The following SHANK1 variants were observed in gnomAD, a reference collection of about 807,000 sequenced individuals.
The protein encoded by SHANK1 is SH3 and multiple ankyrin repeat domains protein 1.
Under a neutral mutation model 165.6 loss-of-function variants are expected in SHANK1, and 35 were observed. That is an observed-to-expected ratio of 0.21 (90% CI 0.16 to 0.28). SHANK1 has a LOEUF of 0.28. SHANK1 is among the 10% of genes least tolerant of loss of function. SHANK1 has a pLI of 1.00. For missense variants in SHANK1, 2,681 were observed against 3,036.4 expected (o/e 0.88, Z 2.75); for synonymous variants, 1,428 against 1,384.8 (o/e 1.03, Z -0.69).
intron 12 of SHANK1, among the ~76,000 whole-genome samples, chr19:50,701,111 G>A (rs534302417): frequency 6.6e-6 from 1 of 151,850 alleles, no homozygotes; most frequent in South Asian, 2.1e-4. Context: ...ACCTTCTATG[G>A]TAGGATCCTC....
intron 15 of SHANK1, among the ~76,000 whole-genome samples, chr19:50,693,307 T>C (rs956665273): frequency 1.4e-4 from 19 of 134,634 alleles, no homozygotes; most frequent in Non-Finnish European, 2.7e-4. Context: ...CTCCCCCACT[T>C]CAGTGTCCCC....
intron 19 of SHANK1, chr19:50,687,190 C>G (rs1986376564): frequency 2.0e-6 from 1 of 512,026 alleles, no homozygotes; most frequent in Non-Finnish European, 3.4e-6. Context: ...AAATGGGACC[C>G]CCAGGTCCAC....
At position 50,688,093 on chromosome 19, in the gene SHANK1, G is replaced by C. The variant is rs1310916448; in HGVS notation, c.2173-35C>G. 6.2e-7 allele frequency: 1 copy of C among 1,612,234 alleles called. No individual in the cohort carries two copies. The highest frequency in any genetic ancestry group is 1.1e-5 in the South Asian group (1 of 91,000). ...AGACACCCCCAGATCACACAGAGTA[G>C]ACGAGGGGAGGGGTGCTTGCAGCTT... On this transcript the variant is annotated intron_variant, in intron 17 of 23. Transcript: ENST00000293441. This position sits in a 1 kb window ranked among gnomAD's most constrained non-coding sequence, Gnocchi z 6.7.
At chr19:50,701,307 A>C (rs899665513) in intron 12 of SHANK1, among the ~76,000 whole-genome samples, 9 of 148,678 alleles carry the variant, frequency 6.1e-5, no homozygotes, top group African/African-American at 2.2e-4. Flanking sequence ...TCGGCCTCTC[A>C]AGTAGCTGGG....
At chr19:50,694,498 G>A (rs1360159616) in intron 15 of SHANK1, among the ~76,000 whole-genome samples, 4 of 148,208 alleles carry the variant, frequency 2.7e-5, no homozygotes, top group Admixed American at 6.7e-5. Flanking sequence ...TCCGGGGAAT[G>A]GGGGCGCTAA....
chr19:50,698,735 G>A (rs1246041817), intron 12 of SHANK1, among the ~76,000 whole-genome samples: 1 of 152,212 alleles, frequency 6.6e-6, no homozygotes, highest in African/African-American at 2.4e-5. Flanking sequence ...AAGGTTACAA[G>A]GCTAGTAACT....
chr19:50,716,236 T>C lies in SHANK1; in HGVS notation c.459+39A>G, dbSNP rs374594698. ...TGGGGGGCAGATGTGTTTTAGGGCATGCCTTCTCTTATCAGTGAAGGAGTT... is the reference window on the plus strand; with the variant it reads ...TGGGGGGCAGATGTGTTTTAGGGCACGCCTTCTCTTATCAGTGAAGGAGTT... On this transcript the variant is annotated intron_variant, in intron 3 of 23. Transcript: ENST00000293441. This position sits in a 1 kb window ranked among gnomAD's most constrained non-coding sequence, Gnocchi z 8.4. 2 of 1,577,278 alleles carry C rather than the reference T, an allele frequency of 1.3e-6. No individual in the cohort carries two copies. The highest frequency in any genetic ancestry group is 3.3e-5 in the Admixed American group (2 of 59,898).
intron 21 of SHANK1, among the ~76,000 whole-genome samples, chr19:50,679,716 G>A (rs1413281645): frequency 1.3e-5 from 2 of 152,206 alleles, no homozygotes; most frequent in African/African-American, 4.8e-5. Flanking sequence ...CCCTGAGAGG[G>A]GATAGGGGAG....
intron 23 of SHANK1, among the ~76,000 whole-genome samples, 154 bp downstream of exon 23, chr19:50,666,034 AAAAG>A (rs1241575332): frequency 2.7e-5 from 4 of 146,716 alleles, no homozygotes; most frequent in African/African-American, 1.0e-4. Flanking sequence ...GAAAAAAAAA[AAAAG>A]AAAAAGAAAA....
chr19:50,668,585 G>A lies in SHANK1; in HGVS notation c.3375C>T (p.Gly1125=). 7.4e-7 allele frequency: 1 copy of A among 1,348,078 alleles called. No individual in the cohort carries two copies. The allele number at this position is 1,348,078 out of a possible 1,614,324, so 83.5% of individuals were successfully genotyped here. ...ACGTGGGCGACGGCGCGGGCGGGAG[G>A]CCGCCGCCCTTCTGGGGCTCGCCTT... The part of the protein sequence containing the change: ...KVEGEPQKGG[G]LPPAPSPTSP... Residue 1125 remains glycine (G), a synonymous_variant, in exon 23 of 24, where the codon GGC becomes GGT. Transcript: ENST00000293441.
At chr19:50,687,773 G>A in intron 18 of SHANK1, 111 bp from the exon 19 acceptor site, 1 of 1,354,132 alleles carries the variant, frequency 7.4e-7, no homozygotes, top group Non-Finnish European at 1.0e-6. Flanking sequence ...AGCGTGCGGA[G>A]CCCTCCCTGC....
At chr19:50,693,670 C>G (rs1007467420) in intron 15 of SHANK1, among the ~76,000 whole-genome samples, 1 of 152,146 alleles carries the variant, frequency 6.6e-6, no homozygotes, top group African/African-American at 2.4e-5. Flanking sequence ...TCAGCCCCTT[C>G]CCACGTACCC....
In SHANK1 at chr19:50,659,881, C is replaced by G. The variant is rs966451611; in HGVS notation, c.*2084G>C. Among the ~76,000 whole-genome samples, 5 of 150,288 alleles carry G rather than the reference C, an allele frequency of 3.3e-5. No homozygotes were observed. Among genetic ancestry groups the G allele is most frequent in the African/African-American group, 1.2e-4 (5 of 40,846 alleles). On this transcript the variant is annotated 3_prime_UTR_variant, in exon 24 of 24. Transcript: ENST00000293441. Reference sequence around the variant, plus strand: ...CCCCCTGCGGACTGGGGGCATCCGACAAGGGGGAGGGGGCGGGTAGGGGTC... The same window carrying G: ...CCCCCTGCGGACTGGGGGCATCCGAGAAGGGGGAGGGGGCGGGTAGGGGTC...
Position 50,695,986 on chromosome 19 carries a change from G to C in SHANK1, c.1964+1110C>G, listed in dbSNP as rs1986726228. On this transcript the variant is annotated intron_variant, in intron 15 of 23. Transcript: ENST00000293441. ...CTGCCGGGCGCACGGCACAGCACAGGCCAGGCCAGCGCAGACAGGGTCCGG... is the reference window on the plus strand; with the variant it reads ...CTGCCGGGCGCACGGCACAGCACAGCCCAGGCCAGCGCAGACAGGGTCCGG... 1.3e-5 allele frequency among the ~76,000 whole-genome samples: 2 copies of C among 152,196 alleles called. 1 individual carries two copies. The highest frequency in any genetic ancestry group is 4.1e-4 in the South Asian group (2 of 4,826).
chr19:50,692,074 T>C (rs541281212), intron 15 of SHANK1, among the ~76,000 whole-genome samples: 20 of 152,098 alleles, frequency 1.3e-4, no homozygotes, highest in Admixed American at 1.3e-3. Flanking sequence ...TCTTCAACAA[T>C]ACCCAAGAGA....
At position 50,662,984 on chromosome 19, in the gene SHANK1, G is replaced by A. The variant is rs910357890; in HGVS notation, c.5769-302C>T. The A allele has an allele frequency of 7.1e-5, 31 of 436,398 alleles. No individual in the cohort carries two copies. Among genetic ancestry groups the A allele is most frequent in the Non-Finnish European group, 1.0e-4 (25 of 239,722 alleles). The allele number at this position is 436,398 out of a possible 1,614,324, so 27.0% of individuals were successfully genotyped here. A position where few individuals can be genotyped will look rare whatever the true frequency, so the allele number is the denominator to read the frequency against. On this transcript the variant is annotated intron_variant, in intron 23 of 23. Coordinates refer to ENST00000293441, the MANE Select transcript of SHANK1 (RefSeq NM_016148.5). The surrounding 1 kb of genome is among the most constrained non-coding windows in gnomAD (Gnocchi z 7.7). ...ATCGTCACCGCTTACTGATGCTCAC[G>A]TGTGCCAGGCATTGTTCTAAGTGCT... is the stretch of plus-strand genomic sequence containing the variant.
rs1388517406 is a variant in SHANK1 at position 50,709,888 on chromosome 19, G to A, written c.1077+1483C>T. Among the ~76,000 whole-genome samples the A allele has an allele frequency of 4.6e-5, 7 of 152,264 alleles. No individual in the cohort carries two copies. The South Asian group carries it at 6.2e-4, about 14-fold the overall frequency. On this transcript the variant is annotated intron_variant, in intron 8 of 23. Transcript: ENST00000293441. ...CCAAAATTTCTCTGTTTATCTGAAC[G>A]GTACAGTTTCTGTCTCTCGACTGGA... is the stretch of plus-strand genomic sequence containing the variant.
chr19:50,708,192 G>A (rs973978305), intron 8 of SHANK1, among the ~76,000 whole-genome samples: 1 of 152,018 alleles, frequency 6.6e-6, no homozygotes, highest in Non-Finnish European at 1.5e-5. Flanking sequence ...TGATCCGCCT[G>A]CTTCAGCCTC....
At chr19:50,664,255 G>C (rs952954639) in intron 23 of SHANK1, among the ~76,000 whole-genome samples, 4 of 151,838 alleles carry the variant, frequency 2.6e-5, no homozygotes, top group African/African-American at 7.3e-5. Flanking sequence ...CTCTGTAGAT[G>C]GACAAGGATA....
Sources: allele counts gnomAD v4.1 joint callset (sites outside exome capture counted in the v4.1 genomes callset), GRCh38; gene constraint gnomAD v4.1.1; non-coding constraint Gnocchi (gnomAD v3.1); transcripts MANE v1.5; gene names NCBI Gene and HGNC (gene_info 2026-07-23, HGNC 2026-07-21).